Variants in PLA2G4A observed in about 807,000 individuals in gnomAD.
The protein encoded by PLA2G4A is phospholipase A2 group IVA, also known as cytosolic phospholipase A2.
In PLA2G4A, 40 loss-of-function variants were observed where a neutral mutation model predicts 81.9. The ratio of observed to expected loss-of-function variants is 0.49; its 90% CI spans 0.38 to 0.64. The LOEUF (loss-of-function observed/expected upper bound fraction) is 0.64. Ranked by LOEUF, PLA2G4A falls within the 30% of genes least tolerant of loss-of-function variation. The pLI is 0.00. For missense variants in PLA2G4A, 715 were observed against 905.1 expected, an observed-to-expected ratio of 0.79 and a Z score of 2.69; for synonymous variants, 302 against 296.9, an observed-to-expected ratio of 1.02 and a Z score of -0.18.
chr1:186,892,963 T>G (rs772307329), intron 3 of PLA2G4A, 48 bp from the exon 4 acceptor site: 1 of 1,391,750 alleles, frequency 7.2e-7, no homozygotes, highest in Admixed American at 1.7e-5. Context: ...AATTAGGAAC[T>G]ATGAATCACA....
intron 3 of PLA2G4A, among the ~76,000 whole-genome samples, chr1:186,871,437 A>C (rs1653264090): frequency 1.3e-5 from 2 of 152,296 alleles, no homozygotes; most frequent in South Asian, 4.1e-4. Context: ...TTAACTCTCA[A>C]AACAGGTTTT....
chr1:186,831,523 T>A (rs1303877676), intron 1 of PLA2G4A, among the ~76,000 whole-genome samples: 1 of 152,120 alleles, frequency 6.6e-6, no homozygotes, highest in East Asian at 1.9e-4. Flanking sequence ...AATAAGAAAA[T>A]CAGATGCAAG....
At chr1:186,953,459 T>A (rs891419626) in intron 13 of PLA2G4A, among the ~76,000 whole-genome samples, 2 of 144,140 alleles carry the variant, frequency 1.4e-5, no homozygotes, top group African/African-American at 5.2e-5. Flanking sequence ...ATGTTTTATA[T>A]TACATGTTTT....
At chr1:186,871,998 T>C (rs544713258) in intron 3 of PLA2G4A, among the ~76,000 whole-genome samples, 2 of 151,660 alleles carry the variant, frequency 1.3e-5, no homozygotes, top group Admixed American at 1.3e-4. Flanking sequence ...ATGAGGAGAG[T>C]CCAGGAAGTT....
intron 10 of PLA2G4A, among the ~76,000 whole-genome samples, chr1:186,944,447 G>C (rs977812570): frequency 2.0e-5 from 3 of 152,072 alleles, no homozygotes; most frequent in Non-Finnish European, 4.4e-5. Flanking sequence ...CCCATGATAG[G>C]GTTGTGAAAT....
At chr1:186,908,120 A>G (rs1654807332) in intron 6 of PLA2G4A, among the ~76,000 whole-genome samples, 1 of 152,116 alleles carries the variant, frequency 6.6e-6, no homozygotes, top group Non-Finnish European at 1.5e-5. Flanking sequence ...ATTCAAAGAA[A>G]AATTTTCCAT....
At chr1:186,857,292 GTA>G (rs961708122) in intron 2 of PLA2G4A, among the ~76,000 whole-genome samples, 51 of 111,746 alleles carry the variant, frequency 4.6e-4, no homozygotes, top group Middle Eastern at 4.6e-3. Context: ...TATATTATAT[GTA>G]TATATTATAT....
At chr1:186,926,697 T>A (rs1380469474) in intron 7 of PLA2G4A, among the ~76,000 whole-genome samples, 1 of 152,210 alleles carries the variant, frequency 6.6e-6, no homozygotes, top group East Asian at 1.9e-4. Context: ...GAATTAAATG[T>A]TGAATGAATT....
intron 2 of PLA2G4A, among the ~76,000 whole-genome samples, chr1:186,868,280 G>A (rs912068790): frequency 2.6e-5 from 4 of 151,920 alleles, no homozygotes; most frequent in Non-Finnish European, 4.4e-5. Flanking sequence ...GTTTCACCAT[G>A]TTAGCCAGGC....
intron 5 of PLA2G4A, among the ~76,000 whole-genome samples, chr1:186,904,552 G>C (rs1222454522): frequency 6.6e-6 from 1 of 152,228 alleles, no homozygotes; most frequent in African/African-American, 2.4e-5. Context: ...ATTTCCTCCT[G>C]GTTGTGGGTG....
rs1430821797 is a variant in PLA2G4A, at chr1:186,830,974, CTTTCTTTCTT to C, written c.-70+1941_-70+1950del. Among the ~76,000 whole-genome samples the C allele has an allele frequency of 5.0e-3, 686 of 137,146 alleles. 7 individuals are homozygous for C. Among genetic ancestry groups the C allele is most frequent in the Non-Finnish European group, 7.1e-3 (468 of 65,504 alleles). 90.0% of individuals were successfully genotyped at this position (137,146 alleles called of 152,430 possible). A position where few individuals can be genotyped will look rare whatever the true frequency, so the allele number is the denominator to read the frequency against. On this transcript the variant is annotated intron_variant, in intron 1 of 17. Transcript: ENST00000367466. ...GCTTGCTTGCTTTCTTTCTTTCTTT[CTTTCTTTCTT>C]TCTTTCTTTCTTTCTTTCTTTCTTT...
intron 8 of PLA2G4A, among the ~76,000 whole-genome samples, chr1:186,935,039 G>T (rs1655891770): frequency 6.6e-6 from 1 of 151,684 alleles, no homozygotes; most frequent in Non-Finnish European, 1.5e-5. Flanking sequence ...TAGATAAAAA[G>T]AAAATAAAAC....
At chr1:186,848,035 G>A (rs139408376) in intron 1 of PLA2G4A, among the ~76,000 whole-genome samples, 4 of 152,208 alleles carry the variant, frequency 2.6e-5, no homozygotes, top group East Asian at 1.9e-4. Flanking sequence ...TATACAAGGC[G>A]TTTGCCTGGT....
At chr1:186,910,854 T>C (rs191506433) in intron 6 of PLA2G4A, among the ~76,000 whole-genome samples, 1 of 152,268 alleles carries the variant, frequency 6.6e-6, no homozygotes, top group African/African-American at 2.4e-5. Flanking sequence ...GTAATTATGA[T>C]GGTGGAATAG....
At chr1:186,864,308 A>G (rs1488999377) in intron 2 of PLA2G4A, among the ~76,000 whole-genome samples, 1 of 152,052 alleles carries the variant, frequency 6.6e-6, no homozygotes, top group Non-Finnish European at 1.5e-5. Flanking sequence ...TCCTTTAGAT[A>G]TATGCCCAAT....
At chr1:186,896,236 C>T (rs771110081) in intron 5 of PLA2G4A, among the ~76,000 whole-genome samples, 10 of 152,080 alleles carry the variant, frequency 6.6e-5, no homozygotes, top group South Asian at 2.1e-4. Context: ...GTTTCTGGTA[C>T]GTATTAGGCA....
At chr1:186,904,599 C>T (rs557593939) in intron 5 of PLA2G4A, among the ~76,000 whole-genome samples, 8 of 152,290 alleles carry the variant, frequency 5.3e-5, no homozygotes, top group South Asian at 2.1e-4. Context: ...GATCCTAATC[C>T]GTGTGACAAG....
At chr1:186,896,762 T>G (rs184172865) in intron 5 of PLA2G4A, among the ~76,000 whole-genome samples, 3 of 152,316 alleles carry the variant, frequency 2.0e-5, no homozygotes, top group Admixed American at 2.0e-4. Context: ...AGAAAATAGT[T>G]GTCCAAGCAG....
chr1:186,923,783 G>A (rs1396935845), intron 7 of PLA2G4A, among the ~76,000 whole-genome samples: 2 of 152,320 alleles, frequency 1.3e-5, no homozygotes, highest in East Asian at 3.9e-4. Context: ...TTATTTGGGA[G>A]AACGTGCCTT....
Sources: allele counts gnomAD v4.1 joint callset (sites outside exome capture counted in the v4.1 genomes callset), GRCh38; gene constraint gnomAD v4.1.1; transcripts MANE v1.5; gene names NCBI Gene and HGNC (gene_info 2026-07-23, HGNC 2026-07-21).